Variants in CREB5 observed in about 807,000 individuals in gnomAD.
CREB5 encodes the protein cAMP responsive element binding protein 5.
CREB5 carries 19 observed loss-of-function variants against 57.1 expected under a neutral mutation model. The observed-to-expected ratio is 0.33, with a 90% confidence interval of 0.23 to 0.49. The LOEUF is 0.49. CREB5 is among the 20% of genes least tolerant of loss of function. The pLI, the probability that CREB5 is intolerant of heterozygous loss-of-function variation, is 0.99. For synonymous variants in CREB5, 238 were observed against 238.3 expected (o/e 1.00, Z 0.01); for missense variants, 579 against 671.6 (o/e 0.86, Z 1.52).
chr7:28,689,909 GGTGTGTGTGT>G (rs34310030), intron 5 of CREB5, among the ~76,000 whole-genome samples: 1,510 of 141,656 alleles, frequency 0.011, 35 homozygotes, highest in African/African-American at 0.037. Flanking sequence ...ACTTGTATTT[GGTGTGTGTGT>G]GTGTGTGTGT....
At chr7:28,388,829 A>AT (rs1292156881) in intron 1 of CREB5, among the ~76,000 whole-genome samples, 1 of 152,192 alleles carries the variant, frequency 6.6e-6, no homozygotes, top group Non-Finnish European at 1.5e-5. Flanking sequence ...TCAGTAGTAA[A>AT]TTTCTCCCAA....
intron 7 of CREB5, chr7:28,726,850 C>G (rs1250017891): frequency 6.6e-6 from 1 of 152,272 alleles, no homozygotes; most frequent in African/African-American, 2.4e-5. Flanking sequence ...TTCAAGCTCC[C>G]TGTTGGCCAC....
chr7:28,424,371 A>T lies in CREB5; in HGVS notation c.3+11454A>T, dbSNP rs1022641362. ...AATGGGACTCTAGGAGAACAAGCAG[A>T]TTGGGAGTGATATGTTTTCTAATCA... On this transcript the variant is annotated intron_variant, in intron 1 of 10. Transcript: ENST00000357727. 3.9e-5 allele frequency among the ~76,000 whole-genome samples: 6 copies of T among 152,172 alleles called. 1 individual carries two copies. The South Asian group carries it at 1.2e-3, about 32-fold the overall frequency.
chr7:28,495,566 A>G (rs959050369), intron 3 of CREB5, among the ~76,000 whole-genome samples: 5 of 151,888 alleles, frequency 3.3e-5, no homozygotes, highest in Non-Finnish European at 7.4e-5. Flanking sequence ...ACATACCTGT[A>G]ATCACACTCG....
At chr7:28,403,492 A>ACTGAATC (rs1787516814) in intron 1 of CREB5, among the ~76,000 whole-genome samples, 1 of 152,156 alleles carries the variant, frequency 6.6e-6, no homozygotes. Context: ...ATATTAACTC[A>ACTGAATC]CTGAATCCTT....
intron 5 of CREB5, among the ~76,000 whole-genome samples, chr7:28,601,891 GA>G (rs1316069071): frequency 2.6e-5 from 4 of 152,138 alleles, no homozygotes; most frequent in Admixed American, 6.5e-5. Flanking sequence ...AAAAATCTAG[GA>G]CAAAAAAAGT....
chr7:28,632,978 T>C (rs1637445), intron 5 of CREB5, among the ~76,000 whole-genome samples: 99,545 of 151,782 alleles, frequency 0.66, 33,423 homozygotes, highest in African/African-American at 0.8. Context: ...GGCTGAAAGA[T>C]GAATGTTTGA....
chr7:28,642,987 T>TACACACACACACACACACACATACAC (rs1798732129), intron 5 of CREB5, among the ~76,000 whole-genome samples: 1 of 98,330 alleles, frequency 1.0e-5, no homozygotes, highest in Admixed American at 1.1e-4. Flanking sequence ...CACACACACA[T>TACACACACACACACACACACATACAC]ACACACACAC....
intron 1 of CREB5, among the ~76,000 whole-genome samples, chr7:28,366,191 A>T (rs1400828274): frequency 4.6e-5 from 7 of 152,204 alleles, no homozygotes; most frequent in Non-Finnish European, 1.0e-4. Context: ...GCAACTGATT[A>T]TATAAATTGA....
chr7:28,415,761 T>C (rs42715), intron 1 of CREB5, among the ~76,000 whole-genome samples: 141,313 of 152,216 alleles, frequency 0.93, 65,686 homozygotes, highest in East Asian at 0.99. Context: ...CTGTCTTTTC[T>C]CTATTATCTG....
rs569794012 is a variant in CREB5 at position 28,795,357 on chromosome 7, G to A, written c.703-8842G>A. On this transcript the variant is annotated intron_variant, in intron 7 of 10. Transcript: ENST00000357727. ...CGGATACTGATTCTTCATCTGGTGC[G>A]TTAAACACTCTCGACTAGCTTTGTA... Among the ~76,000 whole-genome samples, 92 of 152,268 alleles carry A rather than the reference G, an allele frequency of 6.0e-4. No homozygotes were observed. In the South Asian group the frequency reaches 0.018, roughly 31 times the overall value.
At chr7:28,485,184 C>T (rs1272120491) in intron 1 of CREB5, among the ~76,000 whole-genome samples, 2 of 152,108 alleles carry the variant, frequency 1.3e-5, no homozygotes, top group African/African-American at 4.8e-5. Flanking sequence ...CCTACTTTGG[C>T]TTATTAATGA....
intron 1 of CREB5, among the ~76,000 whole-genome samples, chr7:28,475,320 C>T (rs2128585603): frequency 8.5e-6 from 1 of 117,812 alleles, no homozygotes; most frequent in Middle Eastern, 7.4e-3. Context: ...CCTATAATCC[C>T]AGCAGTTTGG....
In CREB5 at chr7:28,507,713, T is replaced by C; in HGVS notation, c.267T>C (p.Ala89=). 2 of 1,608,442 alleles carry C rather than the reference T, an allele frequency of 1.2e-6. No homozygotes were observed. The highest frequency in any genetic ancestry group is 1.7e-6 in the Non-Finnish European group (2 of 1,175,392). The change falls in exon 4 of 11, where the codon GCT becomes GCC. Residue 89 remains alanine, a synonymous_variant. Transcript: ENST00000357727. ...DCSLEHEFRK[A]QEEESSKRNI... ...CCCTGGAGCACGAGTTCAGGAAGGC[T>C]CAGGAAGAGGAGAGCAGCAAGCGGG... is the stretch of plus-strand genomic sequence containing the variant.
chr7:28,342,827 T>C (rs1186520045), intron 1 of CREB5, among the ~76,000 whole-genome samples: 1 of 152,268 alleles, frequency 6.6e-6, no homozygotes, highest in Non-Finnish European at 1.5e-5. Flanking sequence ...GTTTTGATAA[T>C]GTATACATTG....
At chr7:28,521,167 C>T (rs749146380) in intron 4 of CREB5, among the ~76,000 whole-genome samples, 12 of 111,178 alleles carry the variant, frequency 1.1e-4, no homozygotes, top group African/African-American at 3.2e-4. Context: ...TGCCTGTGCA[C>T]GTGTGTATAA....
intron 7 of CREB5, among the ~76,000 whole-genome samples, chr7:28,753,132 C>T (rs1374756968): frequency 6.6e-6 from 1 of 151,924 alleles, no homozygotes. Flanking sequence ...CAGACCCAAG[C>T]AGAGATTTAT....
chr7:28,730,676 T>C lies in CREB5; in HGVS notation c.702+6344T>C, dbSNP rs139280843. Among the ~76,000 whole-genome samples the C allele has an allele frequency of 9.2e-5, 14 of 152,286 alleles. No homozygotes were observed. In the East Asian group the frequency reaches 2.7e-3, roughly 29 times the overall value. ...GTGAGTTTACATTAGTAGAGCACTTTACAAATTGCAAACTGCTTCCATGTA... is the reference window on the plus strand; with the variant it reads ...GTGAGTTTACATTAGTAGAGCACTTCACAAATTGCAAACTGCTTCCATGTA... On this transcript the variant is annotated intron_variant, in intron 7 of 10. Transcript: ENST00000357727.
At chr7:28,409,114 G>A (rs1787659459), upstream of CREB5, among the ~76,000 whole-genome samples, 1 of 151,696 alleles carries the variant, frequency 6.6e-6, no homozygotes, top group Admixed American at 6.6e-5. The surrounding 1 kb of genome is among the most constrained non-coding windows in gnomAD (Gnocchi z 4.4). Context: ...ACACGGCGCT[G>A]GGCTCTGCAA....
Sources: allele counts gnomAD v4.1 joint callset (sites outside exome capture counted in the v4.1 genomes callset), GRCh38; gene constraint gnomAD v4.1.1; non-coding constraint Gnocchi (gnomAD v3.1); transcripts MANE v1.5; gene names NCBI Gene and HGNC (gene_info 2026-07-23, HGNC 2026-07-21).